GCNT2: variants seen among roughly 807,000 people sequenced by gnomAD.
GCNT2 encodes the protein glucosaminyl (N-acetyl) transferase 2 (I blood group), also known as N-acetyllactosaminide beta-1,6-N-acetylglucosaminyl-transferase.
GCNT2 carries 34 observed loss-of-function variants against 34.2 expected under a neutral mutation model. The ratio of observed to expected loss-of-function variants is 1.00; its 90% CI spans 0.76 to 1.32. GCNT2 has a LOEUF of 1.32. GCNT2 is among the 40% of genes most tolerant of loss of function. The pLI is 0.00. For missense variants in GCNT2, 584 were observed against 489.4 expected (o/e 1.19, Z -1.82); for synonymous variants, 212 against 188.0 (o/e 1.13, Z -1.04).
chr6:10,552,485 G>A (rs1477844512), intron 3 of GCNT2, among the ~76,000 whole-genome samples: 3 of 151,538 alleles, frequency 2.0e-5, no homozygotes, highest in Non-Finnish European at 4.4e-5. Context: ...TACTGAATAT[G>A]TACAGGCTTT....
chr6:10,624,425 C>T (rs1018840927), intron 4 of GCNT2, among the ~76,000 whole-genome samples: 2 of 152,102 alleles, frequency 1.3e-5, no homozygotes, highest in African/African-American at 4.8e-5. Context: ...ATAAAACCAT[C>T]AGATCTTGTG....
In GCNT2 at chr6:10,626,760, C is replaced by G; in HGVS notation, c.*153C>G. On this transcript the variant is annotated 3_prime_UTR_variant, in exon 5 of 5. Transcript: ENST00000495262. ...TACGTAATTATACTTAAAATATCCACTGGACACTGTGAAATACACTAACAG... is the reference window on the plus strand; with the variant it reads ...TACGTAATTATACTTAAAATATCCAGTGGACACTGTGAAATACACTAACAG... 1 of 656,948 alleles carries G rather than the reference C, an allele frequency of 1.5e-6. No individual in the cohort carries two copies. 40.7% of individuals were successfully genotyped at this position (656,948 alleles called of 1,614,324 possible). A position where few individuals can be genotyped will look rare whatever the true frequency, so the allele number is the denominator to read the frequency against.
intron 3 of GCNT2, among the ~76,000 whole-genome samples, chr6:10,587,718 G>A (rs984863720): frequency 2.0e-5 from 3 of 152,164 alleles, no homozygotes; most frequent in Non-Finnish European, 4.4e-5. Context: ...AAGCTCCCTC[G>A]TTGGTTCAGG....
rs1231269565 is a variant in GCNT2, at chr6:10,626,721, C to T, written c.*114C>T. On this transcript the variant is annotated 3_prime_UTR_variant, in exon 5 of 5. Transcript: ENST00000495262. ...AACCGTTTCAGGACCACGTTTATAG[C>T]TTCAGGACCTGGCTACGTAATTATA... is the stretch of plus-strand genomic sequence containing the variant. The T allele has an allele frequency of 1.3e-6, 1 of 740,968 alleles. No individual in the cohort carries two copies. Among genetic ancestry groups the T allele is most frequent in the Non-Finnish European group, 2.4e-6 (1 of 417,334 alleles). The allele number at this position is 740,968 out of a possible 1,614,324, so 45.9% of individuals were successfully genotyped here.
At chr6:10,554,034 C>G (rs1458702210) in intron 3 of GCNT2, among the ~76,000 whole-genome samples, 1 of 152,202 alleles carries the variant, frequency 6.6e-6, no homozygotes, top group African/African-American at 2.4e-5. Context: ...GGGAATAATT[C>G]TATCCAAAGT....
intron 3 of GCNT2, chr6:10,556,382 C>CA (rs1762702698): frequency 6.2e-7 from 1 of 1,611,850 alleles, no homozygotes. Context: ...AAAAGACTTA[C>CA]AGATTTTGAC....
At chr6:10,582,141 TATATTC>T (rs1032805145) in intron 3 of GCNT2, among the ~76,000 whole-genome samples, 1 of 136,686 alleles carries the variant, frequency 7.3e-6, no homozygotes, top group Non-Finnish European at 1.5e-5. Context: ...GCATATATGA[TATATTC>T]ATATATGTAT....
chr6:10,550,575 TA>T (rs2113634211), intron 3 of GCNT2, among the ~76,000 whole-genome samples: 1 of 152,182 alleles, frequency 6.6e-6, no homozygotes, highest in African/African-American at 2.4e-5. Flanking sequence ...ACCGCAGCCT[TA>T]ACCTGCCAAA....
chr6:10,569,404 C>T (rs909833824), intron 3 of GCNT2, among the ~76,000 whole-genome samples: 1 of 152,158 alleles, frequency 6.6e-6, no homozygotes, highest in African/African-American at 2.4e-5. Flanking sequence ...TCACCGCAGC[C>T]TCAAACTCCT....
chr6:10,552,359 ACT>A (rs1762522584), intron 3 of GCNT2, among the ~76,000 whole-genome samples: 1 of 151,760 alleles, frequency 6.6e-6, no homozygotes, highest in South Asian at 2.1e-4. Context: ...TACAGTCAGC[ACT>A]CTGTTTCCCC....
intron 3 of GCNT2, among the ~76,000 whole-genome samples, chr6:10,585,032 AGTGTGTGTGTGTGTGTGTGTGTGT>A (rs57538079): frequency 1.0e-4 from 13 of 127,480 alleles, no homozygotes; most frequent in Admixed American, 8.5e-4. Context: ...TCCCATAGTC[AGTGTGTGTGTGTGTGTGTGTGTGT>A]GTGTGTGTGT....
intron 3 of GCNT2, among the ~76,000 whole-genome samples, chr6:10,588,996 T>C (rs1288053127): frequency 2.1e-5 from 3 of 143,480 alleles, no homozygotes; most frequent in Admixed American, 2.1e-4. Context: ...TTGTGTGGTG[T>C]GGGTGTGTGT....
chr6:10,522,243 T>A (rs548594562), intron 1 of GCNT2, among the ~76,000 whole-genome samples: 2 of 151,484 alleles, frequency 1.3e-5, no homozygotes, highest in African/African-American at 4.9e-5. Context: ...CTGTGAGGTA[T>A]GAACCTCATT....
chr6:10,580,407 T>G (rs1764020486), intron 3 of GCNT2, among the ~76,000 whole-genome samples: 1 of 152,202 alleles, frequency 6.6e-6, no homozygotes, highest in Non-Finnish European at 1.5e-5. Flanking sequence ...GTGCCTTACC[T>G]GCCTGTAGGC....
intron 3 of GCNT2, among the ~76,000 whole-genome samples, chr6:10,597,345 C>T (rs934809289): frequency 1.3e-5 from 2 of 151,514 alleles, no homozygotes; most frequent in African/African-American, 2.4e-5. Context: ...TTAGTAGAGA[C>T]GGTTTTGCCA....
chr6:10,557,732 C>A (rs541750582), intron 3 of GCNT2, among the ~76,000 whole-genome samples: 1 of 152,124 alleles, frequency 6.6e-6, no homozygotes, highest in South Asian at 2.1e-4. Context: ...CTCAAGCTAT[C>A]CTCCCCATCT....
chr6:10,526,638 G>A (rs1294771050), intron 1 of GCNT2, among the ~76,000 whole-genome samples: 5 of 152,052 alleles, frequency 3.3e-5, no homozygotes, highest in South Asian at 4.1e-4. Context: ...TCCTGGCCTC[G>A]AGCTCCTCCC....
At chr6:10,554,583 A>C (rs17637641) in intron 3 of GCNT2, among the ~76,000 whole-genome samples, 88 of 152,360 alleles carry the variant, frequency 5.8e-4, no homozygotes, top group Non-Finnish European at 9.7e-4. Flanking sequence ...CTAAGCCACA[A>C]ATCTTTGCCA....
chr6:10,604,449 T>G (rs971378243), intron 3 of GCNT2, among the ~76,000 whole-genome samples: 1 of 152,210 alleles, frequency 6.6e-6, no homozygotes, highest in Non-Finnish European at 1.5e-5. Context: ...CTTTGAACTT[T>G]TCTGTACTTT....
Sources: gnomAD v4.1 joint callset for allele counts (sites outside exome capture counted in the v4.1 genomes callset) on GRCh38, gnomAD v4.1.1 for gene constraint, MANE v1.5 for transcripts, NCBI Gene and HGNC (gene_info 2026-07-23, HGNC 2026-07-21) for gene names.